Variants in TTC12 observed in about 807,000 individuals in gnomAD.
TTC12 encodes tetratricopeptide repeat domain 12.
Under a neutral mutation model 90.1 loss-of-function variants are expected in TTC12, and 70 were observed. The ratio of observed to expected loss-of-function variants is 0.78; its 90% confidence interval spans 0.64 to 0.95. The LOEUF (loss-of-function observed/expected upper bound fraction) is 0.95. Among genes scored for constraint, TTC12 ranks in the 40% least tolerant of loss-of-function variants. TTC12 has a pLI of 0.00. For synonymous variants in TTC12, 296 were observed against 311.5 expected (o/e 0.95, Z 0.53); for missense variants, 819 against 846.1 (o/e 0.97, Z 0.40).
At chr11:113,334,075 C>T (rs1307114455) in intron 7 of TTC12, among the ~76,000 whole-genome samples, 4 of 152,188 alleles carry the variant, frequency 2.6e-5, no homozygotes, top group Non-Finnish European at 5.9e-5. Flanking sequence ...GCCAACAACA[C>T]GCCACTTCTG....
At chr11:113,333,846 TTTA>T (rs1555143245) in intron 7 of TTC12, among the ~76,000 whole-genome samples, 1 of 152,184 alleles carries the variant, frequency 6.6e-6, no homozygotes, top group East Asian at 1.9e-4. Flanking sequence ...TCTTCTCTCT[TTTA>T]TTATTATTGC....
intron 16 of TTC12, among the ~76,000 whole-genome samples, chr11:113,357,341 G>C (rs1949686435): frequency 6.6e-6 from 1 of 152,044 alleles, no homozygotes; most frequent in African/African-American, 2.4e-5. Flanking sequence ...GTTTCATTAT[G>C]ATTTTTGGCT....
intron 19 of TTC12, among the ~76,000 whole-genome samples, chr11:113,362,817 G>A (rs1003322187): frequency 2.6e-5 from 4 of 152,140 alleles, no homozygotes; most frequent in Admixed American, 6.5e-5. Flanking sequence ...TTTCTGTAAC[G>A]TTTCTCAGGC....
rs76385229 is a variant in TTC12 at position 113,356,204 on chromosome 11, G to C, written c.1447-3159G>C. Among the ~76,000 whole-genome samples the C allele has an allele frequency of 5.1e-4, 77 of 152,260 alleles. 1 individual carries two copies. The highest frequency in any genetic ancestry group is 1.8e-3 in the African/African-American group (76 of 41,562). ...TACCAATATGTGTAATCCCTTCTTT[G>C]TCTTTTTTGGTCTTTGTTGGTTTAA... On this transcript the variant is annotated intron_variant, in intron 16 of 21. Coordinates refer to ENST00000529221, the MANE Select transcript of TTC12 (RefSeq NM_017868.4).
intron 16 of TTC12, among the ~76,000 whole-genome samples, chr11:113,357,878 TGTG>T (rs1440251659): frequency 6.6e-6 from 1 of 152,240 alleles, no homozygotes; most frequent in Admixed American, 6.5e-5. Context: ...AATTTCATAA[TGTG>T]GTGACAATGG....
At chr11:113,329,865 G>A (rs1947925671) in intron 6 of TTC12, 55 bp from the exon 7 acceptor site, 9 of 1,469,874 alleles carry the variant, frequency 6.1e-6, no homozygotes, top group Non-Finnish European at 8.6e-6. Context: ...TGTGTGAACT[G>A]AAAACTGCCT....
At chr11:113,364,566 C>G (rs1950104375) in intron 20 of TTC12, 1 of 469,920 alleles carries the variant, frequency 2.1e-6, no homozygotes, top group East Asian at 4.1e-5. Context: ...ACAGACCTGT[C>G]TGACACACAG....
chr11:113,328,014 A>G (rs1947798519), intron 6 of TTC12, among the ~76,000 whole-genome samples: 1 of 152,322 alleles, frequency 6.6e-6, no homozygotes, highest in African/African-American at 2.4e-5. Flanking sequence ...GAGTTGCAAC[A>G]TTGACCCCAC....
At chr11:113,359,676 G>GGTTTCTGAGTGTGCTGAGCAGAGTATGA (rs1555153959) in intron 17 of TTC12, among the ~76,000 whole-genome samples, 2 of 152,190 alleles carry the variant, frequency 1.3e-5, no homozygotes, top group African/African-American at 4.8e-5. Flanking sequence ...AAAACAGACT[G>GGTTTCTGAGTGTGCTGAGCAGAGTATGA]GGTATCCAAG....
At chr11:113,361,561 C>T (rs182353956) in intron 18 of TTC12, among the ~76,000 whole-genome samples, 5 of 147,378 alleles carry the variant, frequency 3.4e-5, no homozygotes, top group East Asian at 2.3e-4. Context: ...AGTGGAGCTG[C>T]GTTTGCTGGC....
intron 13 of TTC12, among the ~76,000 whole-genome samples, chr11:113,345,251 A>G (rs1161325184): frequency 2.0e-5 from 3 of 152,228 alleles, no homozygotes; most frequent in Admixed American, 6.5e-5. Context: ...CAATCTAAAA[A>G]CAGGAGATGA....
At chr11:113,369,743 C>A (rs1254127704), downstream of TTC12, among the ~76,000 whole-genome samples, 1 of 152,216 alleles carries the variant, frequency 6.6e-6, no homozygotes, top group Non-Finnish European at 1.5e-5. Flanking sequence ...AGCATCAACA[C>A]CTACCTCTCC....
intron 15 of TTC12, among the ~76,000 whole-genome samples, chr11:113,351,585 C>T (rs1470935084): frequency 1.3e-5 from 2 of 152,218 alleles, no homozygotes; most frequent in Admixed American, 6.5e-5. Flanking sequence ...CCCCTGCTGA[C>T]ACTAAGTACG....
At chr11:113,320,845 C>T (rs182234072) in intron 2 of TTC12, among the ~76,000 whole-genome samples, 77 of 152,250 alleles carry the variant, frequency 5.1e-4, no homozygotes, top group African/African-American at 1.7e-3. Context: ...ACACCCCTGT[C>T]GCATGTCCTG....
At position 113,325,588 on chromosome 11, in the gene TTC12, C is replaced by T. The variant is rs1329068069; in HGVS notation, c.387C>T (p.Tyr129=). Residue 129 remains tyrosine, a synonymous_variant, in exon 6 of 22, where the codon TAC becomes TAT. Coordinates refer to ENST00000529221, the MANE Select transcript of TTC12 (RefSeq NM_017868.4). ...EGNYETAILR[Y]SEGLEKLKDM... ...ATTATGAAACAGCTATCCTGCGCTA[C>T]AGTGAGGGTTTGGAGAAGCTGAAGG... The T allele has an allele frequency of 1.2e-6, 2 of 1,613,900 alleles. No individual in the cohort carries two copies. Among genetic ancestry groups the T allele is most frequent in the Non-Finnish European group, 1.7e-6 (2 of 1,179,882 alleles).
At chr11:113,358,666 C>T (rs1477067262) in intron 16 of TTC12, among the ~76,000 whole-genome samples, 1 of 152,194 alleles carries the variant, frequency 6.6e-6, no homozygotes, top group African/African-American at 2.4e-5. Flanking sequence ...ACTACAGACA[C>T]TTCTACGCCC....
chr11:113,364,732 G>A, intron 20 of TTC12, 103 bp from the exon 21 acceptor site: 1 of 865,076 alleles, frequency 1.2e-6, no homozygotes, highest in Non-Finnish European at 1.9e-6. Flanking sequence ...TACTGGGGAA[G>A]CTCGGTGTCC....
At chr11:113,329,521 T>C in intron 6 of TTC12, 1 of 451,708 alleles carries the variant, frequency 2.2e-6, no homozygotes, top group Admixed American at 2.4e-5. Context: ...GAGATTGGGG[T>C]ATTTATTCTC....
rs1441189292 is a variant in TTC12, at chr11:113,366,143, A to C, written c.2043-82A>C. 3 of 1,474,222 alleles carry C rather than the reference A, an allele frequency of 2.0e-6. No individual in the cohort carries two copies. The Admixed American group carries it at 5.0e-5, about 25-fold the overall frequency. 91.3% of individuals were successfully genotyped at this position (1,474,222 alleles called of 1,614,324 possible). On this transcript the variant is annotated intron_variant, in intron 21 of 21. Transcript: ENST00000529221. ...GGACTGACGTTCTCAGCCAGCTTCC[A>C]TCTGAGAGGGTGTTGGCTCTGGGCT... is the stretch of plus-strand genomic sequence containing the variant.
Sources: allele counts gnomAD v4.1 joint callset (sites outside exome capture counted in the v4.1 genomes callset), GRCh38; gene constraint gnomAD v4.1.1; transcripts MANE v1.5; gene names NCBI Gene and HGNC (gene_info 2026-07-23, HGNC 2026-07-21).